Variants in MACROD2 observed in about 807,000 individuals in gnomAD.
MACROD2 encodes the protein mono-ADP ribosylhydrolase 2.
In MACROD2, 36 loss-of-function variants were observed where a neutral mutation model predicts 70.4. The observed-to-expected ratio is 0.51, with a 90% CI of 0.39 to 0.68. The LOEUF is 0.68. MACROD2 is among the 30% of genes least tolerant of loss of function. The pLI is 0.00. For missense variants in MACROD2, 496 were observed against 538.4 expected, an observed-to-expected ratio of 0.92 and a Z score of 0.78; for synonymous variants, 172 against 178.8, an observed-to-expected ratio of 0.96 and a Z score of 0.30.
chr20:15,421,557 A>G (rs985173375), intron 6 of MACROD2, among the ~76,000 whole-genome samples: 4 of 152,220 alleles, frequency 2.6e-5, no homozygotes, highest in Non-Finnish European at 4.4e-5. Flanking sequence ...CTGACATTGA[A>G]TGATCTCCTA....
chr20:14,958,424 G>A (rs1224757648), intron 5 of MACROD2, among the ~76,000 whole-genome samples: 1 of 152,136 alleles, frequency 6.6e-6, no homozygotes, highest in Non-Finnish European at 1.5e-5. Context: ...TCCAGAGATA[G>A]ATGAGAAGAC....
intron 3 of MACROD2, among the ~76,000 whole-genome samples, chr20:14,187,547 G>GA (rs1488715494): frequency 6.6e-6 from 1 of 152,108 alleles, no homozygotes; most frequent in African/African-American, 2.4e-5. Flanking sequence ...AGTAATTTCA[G>GA]AAAAATCAAC....
intron 3 of MACROD2, among the ~76,000 whole-genome samples, chr20:14,378,510 C>T (rs1236566285): frequency 1.3e-5 from 2 of 152,202 alleles, no homozygotes. Flanking sequence ...GCAATTGCAT[C>T]ACAGCTCAGC....
chr20:14,750,085 A>G (rs1400346563), intron 5 of MACROD2, among the ~76,000 whole-genome samples: 6 of 152,152 alleles, frequency 3.9e-5, no homozygotes, highest in East Asian at 3.8e-4. Context: ...TTTAATCACA[A>G]TTTTCAAAAA....
At chr20:14,462,378 G>T (rs974415763) in intron 3 of MACROD2, among the ~76,000 whole-genome samples, 6 of 152,018 alleles carry the variant, frequency 3.9e-5, no homozygotes, top group Non-Finnish European at 7.4e-5. Flanking sequence ...TTTTGATGGG[G>T]TTGTTTGTTT....
intron 8 of MACROD2, among the ~76,000 whole-genome samples, chr20:15,852,737 A>G (rs1401566150): frequency 6.6e-6 from 1 of 152,228 alleles, no homozygotes; most frequent in African/African-American, 2.4e-5. Context: ...TGACCAGACA[A>G]AAACAGAGCT....
chr20:15,048,520 A>C (rs1294933865), intron 5 of MACROD2, among the ~76,000 whole-genome samples: 1 of 152,070 alleles, frequency 6.6e-6, no homozygotes, highest in African/African-American at 2.4e-5. Context: ...TATTATAAAG[A>C]CCAGATTAGA....
intron 4 of MACROD2, among the ~76,000 whole-genome samples, chr20:14,503,283 G>A (rs73901263): frequency 0.023 from 3,479 of 152,252 alleles, 137 homozygotes; most frequent in African/African-American, 0.079. Context: ...GAAGGTGACA[G>A]GGAAGACCAG....
At chr20:15,893,880 G>A in intron 10 of MACROD2, 1 of 456,780 alleles carries the variant, frequency 2.2e-6, no homozygotes, top group South Asian at 1.5e-5. Flanking sequence ...CAATGGAGCA[G>A]GAGCAGCTGA....
chr20:15,984,197 A>G (rs1183787621), intron 13 of MACROD2, among the ~76,000 whole-genome samples: 1 of 152,134 alleles, frequency 6.6e-6, no homozygotes, highest in African/African-American at 2.4e-5. Context: ...TTTAATGTCC[A>G]GTTCACAGAA....
At chr20:15,935,640 A>T (rs2065647351) in intron 11 of MACROD2, among the ~76,000 whole-genome samples, 1 of 152,206 alleles carries the variant, frequency 6.6e-6, no homozygotes, top group African/African-American at 2.4e-5. Context: ...TCATGATCAA[A>T]TCAGATCAAA....
intron 4 of MACROD2, among the ~76,000 whole-genome samples, chr20:14,584,780 G>C (rs1981262818): frequency 6.6e-6 from 1 of 152,040 alleles, no homozygotes; most frequent in Non-Finnish European, 1.5e-5. Flanking sequence ...TTATAATTTA[G>C]AGTTATTATA....
At chr20:15,216,945 A>G (rs1462806904) in intron 5 of MACROD2, among the ~76,000 whole-genome samples, 1 of 152,320 alleles carries the variant, frequency 6.6e-6, no homozygotes, top group East Asian at 1.9e-4. Flanking sequence ...CTGGAAGCAT[A>G]TATGTCAGAA....
chr20:14,703,802 C>G (rs994440483), intron 5 of MACROD2, among the ~76,000 whole-genome samples: 2 of 152,188 alleles, frequency 1.3e-5, no homozygotes, highest in Non-Finnish European at 2.9e-5. Context: ...TCTCGGCTCA[C>G]TGCAACCTCT....
intron 3 of MACROD2, among the ~76,000 whole-genome samples, chr20:14,247,945 A>G (rs2081980673): frequency 1.3e-5 from 2 of 152,192 alleles, no homozygotes; most frequent in South Asian, 2.1e-4. Context: ...CCTTTTAATC[A>G]AAACACAGCA....
At chr20:15,667,491 C>CTATCTATG (rs1555857548) in intron 8 of MACROD2, among the ~76,000 whole-genome samples, 16 of 109,044 alleles carry the variant, frequency 1.5e-4, no homozygotes, top group South Asian at 1.4e-3. Flanking sequence ...ATCTATGTAT[C>CTATCTATG]TATCTATGTA....
intron 4 of MACROD2, among the ~76,000 whole-genome samples, chr20:14,552,878 T>A (rs1052618069): frequency 2.0e-5 from 3 of 152,118 alleles, no homozygotes; most frequent in Admixed American, 1.3e-4. Flanking sequence ...TTTGGATGAG[T>A]CAGTGAGTTA....
intron 3 of MACROD2, among the ~76,000 whole-genome samples, chr20:14,174,576 G>A (rs967493515): frequency 2.0e-5 from 3 of 152,148 alleles, no homozygotes; most frequent in Admixed American, 6.5e-5. Flanking sequence ...CTAAGAACTT[G>A]CCCCAGGCCT....
intron 3 of MACROD2, among the ~76,000 whole-genome samples, chr20:14,461,182 A>G (rs2123016501): frequency 6.6e-6 from 1 of 152,030 alleles, no homozygotes; most frequent in South Asian, 2.1e-4. Context: ...GAGTTTATCC[A>G]TTTCTTCCAG....
Sources: allele counts gnomAD v4.1 joint callset (sites outside exome capture counted in the v4.1 genomes callset), GRCh38; gene constraint gnomAD v4.1.1; transcripts MANE v1.5; gene names NCBI Gene and HGNC (gene_info 2026-07-23, HGNC 2026-07-21).